Variants in CEP162 observed in about 807,000 individuals in gnomAD.
The protein encoded by CEP162 is centrosomal protein of 162 kDa.
Under a neutral mutation model 169.2 loss-of-function variants are expected in CEP162, and 141 were observed. That is an observed-to-expected ratio of 0.83 (90% CI 0.73 to 0.96). The LOEUF (loss-of-function observed/expected upper bound fraction) is 0.96. Ranked by LOEUF, CEP162 falls within the 40% of genes least tolerant of loss-of-function variation. The pLI is 0.00. For missense variants in CEP162, 1,600 were observed against 1,587.2 expected, an observed-to-expected ratio of 1.01 and a Z score of -0.14; for synonymous variants, 540 against 526.4, an observed-to-expected ratio of 1.03 and a Z score of -0.35.
intron 13 of CEP162, among the ~76,000 whole-genome samples, chr6:84,183,421 T>C (rs1231823559): frequency 6.6e-6 from 1 of 152,138 alleles, no homozygotes; most frequent in Non-Finnish European, 1.5e-5. Flanking sequence ...CCCATTGGCA[T>C]AGTTTAGGTC....
chr6:84,170,343 C>T (rs1378863866), intron 17 of CEP162, among the ~76,000 whole-genome samples: 1 of 129,756 alleles, frequency 7.7e-6, no homozygotes, highest in East Asian at 2.2e-4. Context: ...CATTGCACTC[C>T]AGCCTGGGTG....
At position 84,187,104 on chromosome 6, in the gene CEP162, T is replaced by C. The variant is rs117386400; in HGVS notation, c.1110-481A>G. Among the ~76,000 whole-genome samples the C allele has an allele frequency of 6.1e-3, 926 of 152,272 alleles. 7 individuals carry two copies. Among genetic ancestry groups the C allele is most frequent in the Middle Eastern group, 0.01 (3 of 294 alleles). ...ATAGAGTATAAATACTAAAAAAGCA[T>C]ATATTTAATCACAGTATAGGAAAAA... On this transcript the variant is annotated intron_variant, in intron 11 of 26. Transcript: ENST00000403245.
At chr6:84,188,263 T>A (rs1270859636) in intron 11 of CEP162, among the ~76,000 whole-genome samples, 5 of 152,086 alleles carry the variant, frequency 3.3e-5, no homozygotes, top group East Asian at 3.9e-4. Flanking sequence ...TTTTTTTTTT[T>A]AAACTTTTAT....
intron 21 of CEP162, among the ~76,000 whole-genome samples, chr6:84,157,686 C>G (rs557436754): frequency 1.3e-5 from 2 of 152,154 alleles, no homozygotes; most frequent in African/African-American, 4.8e-5. Context: ...AGAAATATGT[C>G]TTCAGACTTT....
At chr6:84,227,539 C>G (rs1008287965) in intron 1 of CEP162, 41 bp downstream of exon 1, 2 of 152,184 alleles carry the variant, frequency 1.3e-5, no homozygotes, top group Admixed American at 6.5e-5. Flanking sequence ...TCGACCAGGG[C>G]GATTTGGGTG....
intron 13 of CEP162, among the ~76,000 whole-genome samples, chr6:84,184,251 C>T (rs1406481611): frequency 6.6e-6 from 1 of 152,104 alleles, no homozygotes; most frequent in Non-Finnish European, 1.5e-5. Flanking sequence ...ACAAACAAAA[C>T]AATCATTTAT....
intron 7 of CEP162, among the ~76,000 whole-genome samples, chr6:84,203,123 A>G (rs1317518752): frequency 6.6e-6 from 1 of 152,218 alleles, no homozygotes; most frequent in Non-Finnish European, 1.5e-5. Context: ...AGCTTCAAAG[A>G]TAAGTTCTAT....
At chr6:84,191,495 T>TAC (rs2099539873) in intron 11 of CEP162, among the ~76,000 whole-genome samples, 1 of 152,248 alleles carries the variant, frequency 6.6e-6, no homozygotes, top group Admixed American at 6.5e-5. Flanking sequence ...GTTTTCCTCA[T>TAC]ACTTTTCCTT....
chr6:84,199,186 G>A, intron 9 of CEP162, among the ~76,000 whole-genome samples: 1 of 152,060 alleles, frequency 6.6e-6, no homozygotes, highest in East Asian at 1.9e-4. Flanking sequence ...ATGTGACACG[G>A]TTCCTTAAAT....
intron 25 of CEP162, among the ~76,000 whole-genome samples, chr6:84,145,927 T>G (rs2099518661): frequency 6.6e-6 from 1 of 152,132 alleles, no homozygotes; most frequent in South Asian, 2.1e-4. Flanking sequence ...TTGTTTTTCT[T>G]TTGTTTCCAT....
intron 3 of CEP162, among the ~76,000 whole-genome samples, chr6:84,218,097 T>C (rs768924638): frequency 3.9e-5 from 6 of 152,292 alleles, no homozygotes; most frequent in South Asian, 4.1e-4. Context: ...ATAAGATTAA[T>C]TGGGGGGGTA....
intron 21 of CEP162, among the ~76,000 whole-genome samples, chr6:84,160,135 T>C (rs572939106): frequency 6.6e-6 from 1 of 152,178 alleles, no homozygotes; most frequent in Non-Finnish European, 1.5e-5. Context: ...TGTTCCCTTA[T>C]GAACAAGGCT....
intron 21 of CEP162, among the ~76,000 whole-genome samples, chr6:84,159,547 A>ATTTTTTTTT (rs1166267578): frequency 6.3e-5 from 2 of 31,954 alleles, no homozygotes; most frequent in Non-Finnish European, 1.0e-4. Flanking sequence ...ATATATATAT[A>ATTTTTTTTT]TTTTTTTTTT....
chr6:84,174,938 C>A lies in CEP162; in HGVS notation c.1814G>T (p.Cys605Phe). ...TAATTTCTTCTCCTTGTTCTCACCA[C>A]AGTATCCTAAGGAATCCTTTCAAGA... is the stretch of plus-strand genomic sequence containing the variant. ...IQFQTDSLGY[C>F]GENKEKKLLM... Residue 605 changes from cysteine to phenylalanine, a missense_variant, in exon 15 of 27, where the codon TGT becomes TTT. Cys to Phe is a radical substitution (Grantham distance 205). Transcript: ENST00000403245. The A allele has an allele frequency of 6.3e-7, 1 of 1,598,604 alleles. No homozygotes were observed. The highest frequency in any genetic ancestry group is 8.5e-7 in the Non-Finnish European group (1 of 1,171,668).
chr6:84,185,409 C>CA lies in CEP162; in HGVS notation c.1440dup (p.Val481CysfsTer4). On this transcript the variant is annotated frameshift_variant, in exon 13 of 27. Transcript: ENST00000403245. LOFTEE classifies it high-confidence loss of function. ...TTGTATGGTACCTGTTTACCCATTACAGCCCCTTCTTCTTCAGAACTAAGT... is the reference window on the plus strand; with the variant it reads ...TTGTATGGTACCTGTTTACCCATTACAAGCCCCTTCTTCTTCAGAACTAAGT... The CA allele has an allele frequency of 6.2e-7, 1 of 1,613,460 alleles. No homozygotes were observed. Among genetic ancestry groups the CA allele is most frequent in the Non-Finnish European group, 8.5e-7 (1 of 1,179,478 alleles).
chr6:84,175,545 T>C (rs2099532073), intron 13 of CEP162, among the ~76,000 whole-genome samples, 198 bp from the exon 14 acceptor site: 1 of 152,194 alleles, frequency 6.6e-6, no homozygotes, highest in African/African-American at 2.4e-5. Flanking sequence ...TAATCAACAT[T>C]CTACTAAATT....
At chr6:84,225,141 C>T (rs1370561588) in intron 2 of CEP162, among the ~76,000 whole-genome samples, 1 of 152,080 alleles carries the variant, frequency 6.6e-6, no homozygotes, top group Admixed American at 6.6e-5. Context: ...TACAAGGCCC[C>T]TCCATTTATA....
intron 11 of CEP162, among the ~76,000 whole-genome samples, chr6:84,189,279 GC>G (rs945446383): frequency 6.6e-6 from 1 of 152,190 alleles, no homozygotes; most frequent in Non-Finnish European, 1.5e-5. Context: ...TATTTGAGGA[GC>G]CCTTCAGCCC....
chr6:84,190,223 T>A (rs997840645), intron 11 of CEP162, among the ~76,000 whole-genome samples: 1 of 151,872 alleles, frequency 6.6e-6, no homozygotes, highest in Non-Finnish European at 1.5e-5. Flanking sequence ...ACCTGTGTGT[T>A]GAAACTCTGT....
Sources: gnomAD v4.1 joint callset for allele counts (sites outside exome capture counted in the v4.1 genomes callset) on GRCh38, gnomAD v4.1.1 for gene constraint, MANE v1.5 for transcripts, NCBI Gene and HGNC (gene_info 2026-07-23, HGNC 2026-07-21) for gene names.